The following FMNL1 variants were observed in gnomAD, a reference collection of about 807,000 sequenced individuals.
The protein encoded by FMNL1 is formin like 1.
FMNL1 carries 43 observed loss-of-function variants against 121.3 expected under a neutral mutation model. That is an observed-to-expected ratio of 0.35 (90% CI 0.28 to 0.46). FMNL1 has a LOEUF of 0.46. FMNL1 is among the 20% of genes least tolerant of loss of function. The pLI is 1.00. For synonymous variants in FMNL1, 613 were observed against 613.5 expected, an observed-to-expected ratio of 1.00 and a Z score of 0.01; for missense variants, 1,191 against 1,482.4, an observed-to-expected ratio of 0.80 and a Z score of 3.23.
At chr17:45,236,324 G>C in intron 7 of FMNL1, 80 bp downstream of exon 7, 1 of 1,175,998 alleles carries the variant, frequency 8.5e-7, no homozygotes, top group Non-Finnish European at 1.2e-6. Context: ...CCGAGGCTCT[G>C]GGATCCACTG....
chr17:45,243,156 C>T lies in FMNL1; in HGVS notation c.2049C>T (p.Thr683=). Residue 683 remains threonine (T), a synonymous_variant, in exon 17 of 27, where the codon ACC becomes ACT. Coordinates refer to ENST00000331495, the MANE Select transcript of FMNL1 (RefSeq NM_005892.4). ...DMSDFEEQFK[T]KSQGPSLDLS... is the part of the protein sequence containing the mutation. ...GTGATTTTGAGGAACAGTTCAAGACCAAGTCCCAAGGCCCCAGCCTGGACC... is the reference window on the plus strand; with the variant it reads ...GTGATTTTGAGGAACAGTTCAAGACTAAGTCCCAAGGCCCCAGCCTGGACC... 6.2e-7 allele frequency: 1 copy of T among 1,614,240 alleles called. No homozygotes were observed. Among genetic ancestry groups the T allele is most frequent in the South Asian group, 1.1e-5 (1 of 91,088 alleles).
chr17:45,246,279 C>A lies in FMNL1; in HGVS notation c.3160C>A (p.Pro1054Thr). Residue 1054 changes from proline to threonine, a missense_variant, in exon 25 of 27, where the codon CCA becomes ACA. Physicochemically the swap from Pro to Thr is conservative, Grantham distance 38. Coordinates refer to ENST00000331495, the MANE Select transcript of FMNL1 (RefSeq NM_005892.4). ...GCTGAAACGGAGGCAGCAGAAGGAG[C>A]CACTCATTTATGAGAGCGACCGTGA... ...SELKRRQQKE[P>T]LIYESDRDGA... is the part of the protein sequence containing the mutation. The A allele has an allele frequency of 6.2e-7, 1 of 1,614,028 alleles. No homozygotes were observed. Among genetic ancestry groups the A allele is most frequent in the South Asian group, 1.1e-5 (1 of 91,086 alleles).
At position 45,233,084 on chromosome 17, in the gene FMNL1, G is replaced by A. The variant is rs1360218444; in HGVS notation, c.328-140G>A. ...TTATTCTGCTGGGCAGGTGTGTGGA[G>A]GTGGTGGGGGAGGCTGAGCATGAAA... On this transcript the variant is annotated intron_variant, in intron 3 of 26. Transcript: ENST00000331495. This position sits in a 1 kb window ranked among gnomAD's most constrained non-coding sequence, Gnocchi z 4.1. The A allele has an allele frequency of 1.3e-6, 1 of 763,150 alleles. No individual in the cohort carries two copies. The highest frequency in any genetic ancestry group is 2.7e-5 in the East Asian group (1 of 36,888). The allele number at this position is 763,150 out of a possible 1,614,324, so 47.3% of individuals were successfully genotyped here.
Position 45,241,688 on chromosome 17 carries a change from C to G in FMNL1, c.1585+54C>G, listed in dbSNP as rs1373435686. On this transcript the variant is annotated intron_variant, in intron 14 of 26. Coordinates refer to ENST00000331495, the MANE Select transcript of FMNL1 (RefSeq NM_005892.4). This position sits in a 1 kb window ranked among gnomAD's most constrained non-coding sequence, Gnocchi z 7.0. ...TGCGGGGCAGGGTCTGGAGGGGAGC[C>G]CAGGGGCATCTGTGGCGGGCAGAGT... is the stretch of plus-strand genomic sequence containing the variant. 1.2e-5 allele frequency: 18 copies of G among 1,451,902 alleles called. No homozygotes were observed. Among genetic ancestry groups the G allele is most frequent in the Non-Finnish European group, 1.6e-5 (18 of 1,107,258 alleles). 89.9% of individuals were successfully genotyped at this position (1,451,902 alleles called of 1,614,324 possible).
chr17:45,242,177 G>C (rs1045880785), intron 15 of FMNL1, 31 bp downstream of exon 15: 87 of 1,528,764 alleles, frequency 5.7e-5, no homozygotes, highest in Non-Finnish European at 7.1e-5. Flanking sequence ...TGGGCCCGGG[G>C]CTGGGGGGAG....
chr17:45,240,710 G>C, intron 12 of FMNL1, 85 bp downstream of exon 12: 2 of 1,503,754 alleles, frequency 1.3e-6, no homozygotes, highest in Non-Finnish European at 1.8e-6. Context: ...ATGGGCACTG[G>C]GCAGCAGACA....
intron 1 of FMNL1, among the ~76,000 whole-genome samples, chr17:45,229,964 G>A (rs1008794173): frequency 6.6e-6 from 1 of 152,176 alleles, no homozygotes; most frequent in African/African-American, 2.4e-5. Context: ...CTGCTGACAT[G>A]GCCGCCCTCA....
At chr17:45,226,453 C>T (rs1457819167) in intron 1 of FMNL1, among the ~76,000 whole-genome samples, 1 of 152,118 alleles carries the variant, frequency 6.6e-6, no homozygotes, top group Non-Finnish European at 1.5e-5. Context: ...TGCAGAAGAC[C>T]CCTGGGGGCC....
At chr17:45,235,896 C>A (rs1461401189) in intron 6 of FMNL1, among the ~76,000 whole-genome samples, 1 of 152,218 alleles carries the variant, frequency 6.6e-6, no homozygotes, top group East Asian at 1.9e-4. Flanking sequence ...GACCCTCACC[C>A]TACCAAGTCC....
chr17:45,226,251 C>T (rs889364859), intron 1 of FMNL1, among the ~76,000 whole-genome samples: 3 of 152,202 alleles, frequency 2.0e-5, no homozygotes, highest in Non-Finnish European at 2.9e-5. Flanking sequence ...ATGGTGCTAA[C>T]GGTAGCAGTG....
In FMNL1 at chr17:45,233,699, C is replaced by T. The variant is rs773819428; in HGVS notation, c.453C>T (p.Leu151=). ...AGAACCGTGGCCTGGATGTGCTGCT[C>T]GAGTACCTGGCCTTTGCCCAGTGCT... The part of the protein sequence containing the change: ...NEENRGLDVL[L]EYLAFAQCSV... Residue 151 remains leucine, a synonymous_variant, in exon 5 of 27, where the codon CTC becomes CTT. Coordinates refer to ENST00000331495, the MANE Select transcript of FMNL1 (RefSeq NM_005892.4). The surrounding 1 kb of genome is among the most constrained non-coding windows in gnomAD (Gnocchi z 4.1). The T allele has an allele frequency of 2.2e-5, 35 of 1,613,926 alleles. No homozygotes were observed. The highest frequency in any genetic ancestry group is 3.3e-4 in the Middle Eastern group (2 of 6,084).
chr17:45,244,206 T>TC lies in FMNL1; in HGVS notation c.2481dup (p.Ile828HisfsTer5), dbSNP rs1430058008. On this transcript the variant is annotated frameshift_variant, in exon 19 of 27. Transcript: ENST00000331495. LOFTEE classifies it high-confidence loss of function. ...GAATGCCATCATTGCAGCCTCAATG[T>TC]CCATCAAGTCCTCTGACAAACTCCG... is the stretch of plus-strand genomic sequence containing the variant. 6.2e-7 allele frequency: 1 copy of TC among 1,613,134 alleles called. No individual in the cohort carries two copies. The highest frequency in any genetic ancestry group is 1.7e-5 in the Admixed American group (1 of 59,880).
In FMNL1 at chr17:45,242,057, GGCCGGTGCCTCCGCCGCCGCCGCCGCC is replaced by G. The variant is rs926371079; in HGVS notation, c.1801_1827del (p.Val601_Pro609del). 9.4e-6 allele frequency: 14 copies of G among 1,495,462 alleles called. No homozygotes were observed. The highest frequency in any genetic ancestry group is 1.2e-5 in the Non-Finnish European group (14 of 1,126,794). 92.6% of individuals were successfully genotyped at this position (1,495,462 alleles called of 1,614,324 possible). On this transcript the variant is annotated inframe_deletion, in exon 15 of 27. Coordinates refer to ENST00000331495, the MANE Select transcript of FMNL1 (RefSeq NM_005892.4). ...CCGCCACCACCTCCGGGCACTGACG[GGCCGGTGCCTCCGCCGCCGCCGCCGCC>G]GCCGCCGCCTCCCGGAGGTCCTCCT...
At chr17:45,225,684 G>C (rs1174561242) in intron 1 of FMNL1, among the ~76,000 whole-genome samples, 2 of 152,144 alleles carry the variant, frequency 1.3e-5, no homozygotes, top group African/African-American at 4.8e-5. Flanking sequence ...AAGGTGGCTT[G>C]GGGGGCCTTT....
rs201370247 is a variant in FMNL1 at position 45,245,935 on chromosome 17, G to A, written c.3052G>A (p.Ala1018Thr). 67 of 1,585,684 alleles carry A rather than the reference G, an allele frequency of 4.2e-5. No homozygotes were observed. The highest frequency in any genetic ancestry group is 5.8e-5 in the Admixed American group (3 of 52,170). The stretch of plus-strand genomic sequence containing the variant: ...AGAAGCCGCTGCCCAGGAGGCAGGC[G>A]CTGATACCCCGGGCAAAGGGGAGCC... The part of the protein sequence containing the change: ...KKEAAAQEAG[A>T]DTPGKGEPPA... Residue 1018 changes from alanine to threonine, a missense_variant, in exon 24 of 27, where the codon GCT (alanine) becomes ACT (threonine). Ala to Thr is a moderately conservative substitution (Grantham distance 58). Transcript: ENST00000331495.
At chr17:45,244,303 C>T in intron 19 of FMNL1, 59 bp downstream of exon 19, 2 of 1,541,402 alleles carry the variant, frequency 1.3e-6, no homozygotes, top group African/African-American at 1.4e-5. Flanking sequence ...GAGAGGGAGA[C>T]CCAGGCCCTG....
At chr17:45,246,072 C>T in intron 24 of FMNL1, 99 bp downstream of exon 24, 1 of 1,523,692 alleles carries the variant, frequency 6.6e-7, no homozygotes, top group Non-Finnish European at 8.8e-7. Context: ...TACAGACTGA[C>T]CCTGCCCCAG....
chr17:45,240,968 C>T (rs2043676062), intron 12 of FMNL1, 161 bp from the exon 13 acceptor site: 2 of 848,594 alleles, frequency 2.4e-6, no homozygotes, highest in African/African-American at 1.7e-5. Context: ...TCCTTATTTG[C>T]TTGGGTTCGA....
Position 45,222,062 on chromosome 17 carries a change from C to G in FMNL1, c.-63C>G. ...CCCGCCCGGGCCGGGAGCCTCGTCC[C>G]CGTCCCCCGGAAAGCTGGATTTCCG... On this transcript the variant is annotated 5_prime_UTR_variant, in exon 1 of 27. Coordinates refer to ENST00000331495, the MANE Select transcript of FMNL1 (RefSeq NM_005892.4). 3.5e-6 allele frequency: 4 copies of G among 1,127,790 alleles called. No individual in the cohort carries two copies. Among genetic ancestry groups the G allele is most frequent in the South Asian group, 8.6e-5 (2 of 23,386 alleles). 69.9% of individuals were successfully genotyped at this position (1,127,790 alleles called of 1,614,324 possible). A position where few individuals can be genotyped will look rare whatever the true frequency, so the allele number is the denominator to read the frequency against.
Sources: allele counts gnomAD v4.1 joint callset (sites outside exome capture counted in the v4.1 genomes callset), GRCh38; gene constraint gnomAD v4.1.1; non-coding constraint Gnocchi (gnomAD v3.1); transcripts MANE v1.5; gene names NCBI Gene and HGNC (gene_info 2026-07-23, HGNC 2026-07-21).